Variants in RGS10 observed in about 807,000 individuals in gnomAD.
The protein encoded by RGS10 is regulator of G protein signaling 10.
RGS10 carries 11 observed loss-of-function variants against 23.5 expected under a neutral mutation model. The ratio of observed to expected loss-of-function variants is 0.47; its 90% CI spans 0.29 to 0.77. The LOEUF (loss-of-function observed/expected upper bound fraction) is 0.77, where lower values mean the gene tolerates loss of function less well. RGS10 is among the 30% of genes least tolerant of loss of function. The probability of loss-of-function intolerance (pLI) is 0.08; values close to 1 mark genes in which losing one functional copy is unlikely to be tolerated. For missense variants in RGS10, 180 were observed against 226.3 expected (o/e 0.80, Z 1.31); for synonymous variants, 77 against 83.2 (o/e 0.92, Z 0.41).
chr10:119,535,073 A>G (rs1844373613), intron 1 of RGS10, among the ~76,000 whole-genome samples: 1 of 152,088 alleles, frequency 6.6e-6, no homozygotes, highest in African/African-American at 2.4e-5. Flanking sequence ...CAGCTAGAAA[A>G]TGGGAAATCA....
rs1406761313 is a variant in RGS10, at chr10:119,524,724, A to G, written c.255+1308T>C. ...CCGGCCAACGTCATCCAGAGGAGAG[A>G]AAAAGCCAGAAAGCAAAATCCAAGG... On this transcript the variant is annotated intron_variant, in intron 3 of 4. Transcript: ENST00000369103. This position sits in a 1 kb window ranked among gnomAD's most constrained non-coding sequence, Gnocchi z 5.2. Among the ~76,000 whole-genome samples, 1 of 152,102 alleles carries G rather than the reference A, an allele frequency of 6.6e-6. No homozygotes were observed.
rs1190029624 is a variant in RGS10, at chr10:119,524,872, A to C, written c.255+1160T>G. On this transcript the variant is annotated intron_variant, in intron 3 of 4. Transcript: ENST00000369103. The surrounding 1 kb of genome is among the most constrained non-coding windows in gnomAD (Gnocchi z 5.2). ...GGTGGAGAAAAGGCCGCGCTGCGCC[A>C]TCCAGGAGGATGGGTGTCTGCGCCC... Among the ~76,000 whole-genome samples the C allele has an allele frequency of 6.6e-6, 1 of 152,172 alleles. No individual in the cohort carries two copies. Among genetic ancestry groups the C allele is most frequent in the Non-Finnish European group, 1.5e-5 (1 of 68,030 alleles).
In RGS10 at chr10:119,542,677, C is replaced by T. The variant is rs1044825573; in HGVS notation, c.-39G>A. On this transcript the variant is annotated 5_prime_UTR_variant, in exon 1 of 5. Transcript: ENST00000369103. ...CGAGGAGGAAGAAGGAGCAGCCCGG[C>T]GGCGCGGCGGCTGAGCCGGAGGAAG... The T allele has an allele frequency of 2.2e-6, 3 of 1,333,458 alleles. No homozygotes were observed. Among genetic ancestry groups the T allele is most frequent in the Non-Finnish European group, 2.9e-6 (3 of 1,041,974 alleles). The allele number at this position is 1,333,458 out of a possible 1,614,324, so 82.6% of individuals were successfully genotyped here.
At chr10:119,533,332 AG>A (rs772523376) in intron 1 of RGS10, among the ~76,000 whole-genome samples, 3 of 152,116 alleles carry the variant, frequency 2.0e-5, no homozygotes, top group Middle Eastern at 3.2e-3. Context: ...ACTCCGTCTT[AG>A]GGAAAAAAGT....
rs1314064016 is a variant in RGS10 at position 119,534,296 on chromosome 10, TAAATAAATAAA to T, written c.50-6883_50-6873del. Among the ~76,000 whole-genome samples, 122 of 97,156 alleles carry T rather than the reference TAAATAAATAAA, an allele frequency of 1.3e-3. 1 individual carries two copies. The highest frequency in any genetic ancestry group is 3.3e-3 in the Admixed American group (33 of 9,916). The allele number at this position is 97,156 out of a possible 152,430, so 63.7% of individuals were successfully genotyped here. ...ATAAATAAATAAATAAATAAATAAA[TAAATAAATAAA>T]AAAGGCCAGGCACTGTGGCTCATGT... is the stretch of plus-strand genomic sequence containing the variant. On this transcript the variant is annotated intron_variant, in intron 1 of 4. Transcript: ENST00000369103.
chr10:119,534,307 A>ATAAAT (rs201792585), intron 1 of RGS10, among the ~76,000 whole-genome samples: 12 of 126,458 alleles, frequency 9.5e-5, no homozygotes, highest in Admixed American at 3.3e-4. Context: ...AAATAAATAA[A>ATAAAT]AAAGGCCAGG....
At chr10:119,541,848 T>C (rs1844437922) in intron 1 of RGS10, among the ~76,000 whole-genome samples, 1 of 152,170 alleles carries the variant, frequency 6.6e-6, no homozygotes, top group Non-Finnish European at 1.5e-5. Flanking sequence ...GACAAAGCCC[T>C]TGGCGCACCC....
intron 4 of RGS10, among the ~76,000 whole-genome samples, chr10:119,502,722 C>T (rs191792981): frequency 2.0e-5 from 3 of 152,072 alleles, no homozygotes; most frequent in Admixed American, 1.3e-4. Context: ...GAGGGGGCTG[C>T]GAACTATTTA....
intron 1 of RGS10, among the ~76,000 whole-genome samples, chr10:119,539,959 C>A (rs1243948024): frequency 7.7e-5 from 11 of 143,488 alleles, no homozygotes; most frequent in Admixed American, 6.9e-5. Flanking sequence ...TTCAAAATTA[C>A]AAAAAAAAAA....
chr10:119,511,009 C>G lies in RGS10; in HGVS notation c.399+4500G>C, dbSNP rs369423104. On this transcript the variant is annotated intron_variant, in intron 4 of 4. Coordinates refer to ENST00000369103, the MANE Select transcript of RGS10 (RefSeq NM_001005339.2). ...CTGGGATTACAGGTGTGAGCCACCACGCCCGGCCGTAATACATGTTTTTAA... is the reference window on the plus strand; with the variant it reads ...CTGGGATTACAGGTGTGAGCCACCAGGCCCGGCCGTAATACATGTTTTTAA... 5.3e-5 allele frequency among the ~76,000 whole-genome samples: 8 copies of G among 152,186 alleles called. No homozygotes were observed. The East Asian group carries it at 7.7e-4, about 15-fold the overall frequency.
At chr10:119,536,371 C>T (rs2133961314) in intron 1 of RGS10, 1 of 1,176,886 alleles carries the variant, frequency 8.5e-7, no homozygotes, top group Middle Eastern at 1.9e-4. Flanking sequence ...ACCTCTGTGT[C>T]CTCACAGCAC....
chr10:119,530,587 G>A (rs1844321826), intron 1 of RGS10, among the ~76,000 whole-genome samples: 1 of 152,238 alleles, frequency 6.6e-6, no homozygotes, highest in Non-Finnish European at 1.5e-5. Context: ...CACTTTGGGA[G>A]GCCCAGGTGG....
In RGS10 at chr10:119,500,088, C is replaced by T; in HGVS notation, c.*25G>A. On this transcript the variant is annotated 3_prime_UTR_variant, in exon 5 of 5. Coordinates refer to ENST00000369103, the MANE Select transcript of RGS10 (RefSeq NM_001005339.2). ...GAGGAAATTCCTTTGCTTCTTAAAGCTGCCAGTCCCGGCTTTTTGGGGGCT... is the reference window on the plus strand; with the variant it reads ...GAGGAAATTCCTTTGCTTCTTAAAGTTGCCAGTCCCGGCTTTTTGGGGGCT... 1.2e-6 allele frequency: 2 copies of T among 1,606,874 alleles called. No individual in the cohort carries two copies. Among genetic ancestry groups the T allele is most frequent in the Non-Finnish European group, 1.7e-6 (2 of 1,177,730 alleles).
chr10:119,531,465 A>C (rs140128631), intron 1 of RGS10, among the ~76,000 whole-genome samples: 8 of 152,228 alleles, frequency 5.3e-5, no homozygotes, highest in African/African-American at 1.9e-4. Flanking sequence ...TTAGCCAACA[A>C]AATGTCTGAG....
At chr10:119,528,029 C>T (rs939062547) in intron 1 of RGS10, among the ~76,000 whole-genome samples, 4 of 152,054 alleles carry the variant, frequency 2.6e-5, no homozygotes, top group African/African-American at 9.7e-5. Context: ...GGCAATAGCT[C>T]TTTTTGTTTG....
At position 119,527,240 on chromosome 10, in the gene RGS10, C is replaced by T. The variant is rs1485444662; in HGVS notation, c.168+66G>A. 4 of 1,168,296 alleles carry T rather than the reference C, an allele frequency of 3.4e-6. No individual in the cohort carries two copies. In the African/African-American group the frequency reaches 4.5e-5, roughly 13 times the overall value. The allele number at this position is 1,168,296 out of a possible 1,614,324, so 72.4% of individuals were successfully genotyped here. ...GACAATGTTGAACTGGCCTATTTCT[C>T]CCCTGTGTGCATCTGAACTTCTGCA... On this transcript the variant is annotated intron_variant, in intron 2 of 4. Coordinates refer to ENST00000369103, the MANE Select transcript of RGS10 (RefSeq NM_001005339.2). This position sits in a 1 kb window ranked among gnomAD's most constrained non-coding sequence, Gnocchi z 4.2.
chr10:119,516,592 G>A (rs551906788), intron 3 of RGS10: 1 of 152,304 alleles, frequency 6.6e-6, no homozygotes, highest in South Asian at 2.1e-4. Context: ...TTTAGCTAAC[G>A]AGATACTGAG....
At chr10:119,500,287 A>G (rs752533174) in intron 4 of RGS10, 28 bp from the exon 5 acceptor site, 1 of 1,597,924 alleles carries the variant, frequency 6.3e-7, no homozygotes, top group Non-Finnish European at 8.5e-7. Context: ...AAAGAGTCTG[A>G]AGGCTGAGGC....
At chr10:119,505,143 C>T (rs1293174144) in intron 4 of RGS10, among the ~76,000 whole-genome samples, 2 of 151,894 alleles carry the variant, frequency 1.3e-5, no homozygotes, top group Non-Finnish European at 2.9e-5. Flanking sequence ...CTGAACAACA[C>T]GGTCAGACTC....
Sources: gnomAD v4.1 joint callset for allele counts (sites outside exome capture counted in the v4.1 genomes callset) on GRCh38, gnomAD v4.1.1 for gene constraint, Gnocchi (gnomAD v3.1) non-coding constraint, MANE v1.5 for transcripts, NCBI Gene and HGNC (gene_info 2026-07-23, HGNC 2026-07-21) for gene names.